PTPRE: variants seen among roughly 807,000 people sequenced by gnomAD.
The protein encoded by PTPRE is receptor-type tyrosine-protein phosphatase epsilon.
A neutral mutation model predicts 102.0 loss-of-function variants in PTPRE; 51 were observed. The observed-to-expected ratio is 0.50, with a 90% CI of 0.40 to 0.63. The LOEUF (loss-of-function observed/expected upper bound fraction) is 0.63. Among genes scored for constraint, PTPRE ranks in the 30% least tolerant of loss-of-function variants. The probability of loss-of-function intolerance (pLI) is 0.00; values close to 1 mark genes in which losing one functional copy is unlikely to be tolerated. For missense variants in PTPRE, 752 were observed against 915.1 expected (o/e 0.82, Z 2.30); for synonymous variants, 345 against 348.2 (o/e 0.99, Z 0.10).
intron 1 of PTPRE, among the ~76,000 whole-genome samples, chr10:127,967,096 G>A (rs1186268563): frequency 6.6e-6 from 1 of 152,190 alleles, no homozygotes; most frequent in Non-Finnish European, 1.5e-5. Flanking sequence ...CATGCTCATG[G>A]TCATTTGTCG....
At chr10:128,055,155 C>G (rs1384092021) in intron 6 of PTPRE, among the ~76,000 whole-genome samples, 1 of 152,172 alleles carries the variant, frequency 6.6e-6, no homozygotes, top group Non-Finnish European at 1.5e-5. Context: ...TTACTGGAAT[C>G]CCAGTGGCCC....
At position 128,059,396 on chromosome 10, in the gene PTPRE, G is replaced by A. The variant is rs541502041; in HGVS notation, c.512-1543G>A. Among the ~76,000 whole-genome samples the A allele has an allele frequency of 9.2e-5, 14 of 152,286 alleles. No homozygotes were observed. The East Asian group carries it at 1.4e-3, about 15-fold the overall frequency. On this transcript the variant is annotated intron_variant, in intron 7 of 20. Transcript: ENST00000254667. ...AGAGCTGGCTCAACCATCGGAGGTC[G>A]CAGGCCACCAGCCCGTGGCCCACCT...
intron 1 of PTPRE, among the ~76,000 whole-genome samples, chr10:127,919,323 AC>A (rs1846429140): frequency 6.6e-6 from 1 of 152,246 alleles, no homozygotes; most frequent in East Asian, 1.9e-4. Flanking sequence ...GTTAAATTCT[AC>A]CCTTGCGCTT....
intron 1 of PTPRE, among the ~76,000 whole-genome samples, chr10:127,967,484 G>T (rs1465507356): frequency 6.6e-6 from 1 of 152,072 alleles, no homozygotes; most frequent in East Asian, 1.9e-4. Context: ...ACACACTCTT[G>T]CCTGCTGCCA....
At chr10:127,996,917 G>T (rs1185596274) in intron 2 of PTPRE, among the ~76,000 whole-genome samples, 5 of 151,964 alleles carry the variant, frequency 3.3e-5, no homozygotes, top group African/African-American at 1.2e-4. Context: ...TTTTAATTCA[G>T]AAACAACAAA....
chr10:127,964,724 G>A (rs1850108091), intron 1 of PTPRE: 1 of 216,970 alleles, frequency 4.6e-6, no homozygotes, highest in South Asian at 7.0e-5. Context: ...ACAGGTTGGT[G>A]ATATTTGGGA....
In PTPRE at chr10:128,056,052, A is replaced by G; in HGVS notation, c.421-71A>G. On this transcript the variant is annotated intron_variant, in intron 6 of 20. Transcript: ENST00000254667. Reference sequence around the variant, plus strand: ...CGTGTTTTCATTAATTCCTGTGCTCAGTAGGGAAACTGACATGAGCATGGT... The same window carrying G: ...CGTGTTTTCATTAATTCCTGTGCTCGGTAGGGAAACTGACATGAGCATGGT... 8.1e-6 allele frequency: 10 copies of G among 1,229,986 alleles called. No homozygotes were observed. In the South Asian group the frequency reaches 1.2e-4, roughly 15 times the overall value. The allele number at this position is 1,229,986 out of a possible 1,614,324, so 76.2% of individuals were successfully genotyped here.
intron 1 of PTPRE, among the ~76,000 whole-genome samples, chr10:127,917,239 G>T (rs1005771031): frequency 6.6e-6 from 1 of 151,284 alleles, no homozygotes; most frequent in Non-Finnish European, 1.5e-5. Context: ...GGGTGCCAGA[G>T]GGGGAAGCCG....
intron 1 of PTPRE, among the ~76,000 whole-genome samples, chr10:127,961,282 G>A (rs952977504): frequency 6.6e-6 from 1 of 152,174 alleles, no homozygotes; most frequent in Non-Finnish European, 1.5e-5. Flanking sequence ...ATGGTTGTTG[G>A]TGACAGCGTC....
chr10:127,918,871 G>T (rs1025567472), intron 1 of PTPRE, among the ~76,000 whole-genome samples: 2 of 152,178 alleles, frequency 1.3e-5, no homozygotes, highest in Non-Finnish European at 2.9e-5. Flanking sequence ...CAAAGAACTG[G>T]CCTGACTGGG....
chr10:128,012,560 T>G (rs1165581436), intron 2 of PTPRE, among the ~76,000 whole-genome samples: 1 of 152,202 alleles, frequency 6.6e-6, no homozygotes, highest in African/African-American at 2.4e-5. Context: ...GCTGTGCTGT[T>G]GAACGCCTGG....
intron 2 of PTPRE, among the ~76,000 whole-genome samples, chr10:128,013,667 C>A (rs987559898): frequency 4.6e-5 from 7 of 152,114 alleles, no homozygotes; most frequent in African/African-American, 1.4e-4. Context: ...GGGATTAGTG[C>A]CCTTACAAAA....
chr10:127,926,725 G>C (rs1420746727), intron 1 of PTPRE, among the ~76,000 whole-genome samples: 1 of 151,284 alleles, frequency 6.6e-6, no homozygotes, highest in Non-Finnish European at 1.5e-5. Context: ...CAGGGGACGA[G>C]TTGGGAAGCT....
rs564312267 is a variant in PTPRE at position 128,069,601 on chromosome 10, A to G, written c.1008-91A>G. ...ACCAAAAAAACAAAAAGTTGCATCCAGTGACCTGGGTGCGCAGGCCCCTTC... is the reference window on the plus strand; with the variant it reads ...ACCAAAAAAACAAAAAGTTGCATCCGGTGACCTGGGTGCGCAGGCCCCTTC... On this transcript the variant is annotated intron_variant, in intron 12 of 20. Coordinates refer to ENST00000254667, the MANE Select transcript of PTPRE (RefSeq NM_006504.6). 13 of 1,541,058 alleles carry G rather than the reference A, an allele frequency of 8.4e-6. No homozygotes were observed. In the South Asian group the frequency reaches 1.1e-4, roughly 13 times the overall value.
chr10:127,928,155 A>G (rs1187262698), intron 1 of PTPRE, among the ~76,000 whole-genome samples: 1 of 152,178 alleles, frequency 6.6e-6, no homozygotes, highest in Non-Finnish European at 1.5e-5. Flanking sequence ...AAAGTGGATG[A>G]CTCACAAACC....
rs1325013833 is a variant in PTPRE at position 128,069,721 on chromosome 10, T to C, written c.1037T>C (p.Ile346Thr). ...GGCGTGGGCCGGACGGGCACCTTCA[T>C]TGTGATCGATGCCATGATGGCCATG... ...SAGVGRTGTFIVIDAMMAMMH... is the reference protein window; with the variant it reads ...SAGVGRTGTFTVIDAMMAMMH... The change falls in exon 13 of 21, where the codon ATT becomes ACT. Residue 346 changes from isoleucine to threonine, a missense_variant. Ile to Thr is a moderately conservative substitution (Grantham distance 89, BLOSUM62 -1). This residue lies in a region of PTPRE where 636 missense variants were observed against 824.4 expected (regional missense o/e 0.77). Transcript: ENST00000254667. The C allele has an allele frequency of 6.2e-7, 1 of 1,614,170 alleles. No individual in the cohort carries two copies. The highest frequency in any genetic ancestry group is 8.5e-7 in the Non-Finnish European group (1 of 1,180,002).
intron 1 of PTPRE, among the ~76,000 whole-genome samples, chr10:127,968,513 A>T (rs1380284919): frequency 6.6e-6 from 1 of 152,210 alleles, no homozygotes; most frequent in Admixed American, 6.5e-5. Flanking sequence ...AGCTCAGGGC[A>T]GGGGGCCTCC....
chr10:128,075,205 T>G (rs1285629524), intron 17 of PTPRE, among the ~76,000 whole-genome samples: 1 of 152,254 alleles, frequency 6.6e-6, no homozygotes, highest in Non-Finnish European at 1.5e-5. Context: ...CTGCATTAGC[T>G]CAGGTATTCC....
At chr10:127,978,693 A>T (rs574165182) in intron 1 of PTPRE, among the ~76,000 whole-genome samples, 122 of 152,244 alleles carry the variant, frequency 8.0e-4, no homozygotes, top group Non-Finnish European at 1.4e-3. Context: ...GCTGGTCCAG[A>T]GCCTCACCAA....
Sources: gnomAD v4.1 joint callset for allele counts (sites outside exome capture counted in the v4.1 genomes callset) on GRCh38, gnomAD v4.1.1 for gene constraint, gnomAD v4.1.1 regional missense constraint, MANE v1.5 for transcripts, NCBI Gene and HGNC (gene_info 2026-07-23, HGNC 2026-07-21) for gene names.